PEG3: variants seen among roughly 807,000 people sequenced by gnomAD.
PEG3 encodes paternally expressed 3.
Under a neutral mutation model 35.5 loss-of-function variants are expected in PEG3, and 23 were observed. The observed-to-expected ratio is 0.65, with a 90% CI of 0.47 to 0.92. The LOEUF is 0.92. PEG3 is among the 40% of genes least tolerant of loss of function. The pLI, the probability that PEG3 is intolerant of heterozygous loss-of-function variation, is 0.00. For missense variants in PEG3, 1,960 were observed against 1,985.3 expected, an observed-to-expected ratio of 0.99 and a Z score of 0.24; for synonymous variants, 707 against 697.0, an observed-to-expected ratio of 1.01 and a Z score of -0.23.
chr19:56,815,970 G>C lies in PEG3; in HGVS notation c.2472C>G (p.Thr824=). ...NHQRVRAGGN[T]SEGREYSRSV... is the part of the protein sequence containing the mutation. ...ACCTACTGTATTCCCTTCCTTCAGA[G>C]GTGTTCCCTCCAGCACGAACTCTCT... is the stretch of plus-strand genomic sequence containing the variant. The change falls in exon 10 of 10, where the codon ACC becomes ACG. Residue 824 remains threonine (T), a synonymous_variant. Coordinates refer to ENST00000326441, the MANE Select transcript of PEG3 (RefSeq NM_006210.3). The C allele has an allele frequency of 6.3e-7, 1 of 1,588,482 alleles. No individual in the cohort carries two copies. Among genetic ancestry groups the C allele is most frequent in the Non-Finnish European group, 8.6e-7 (1 of 1,168,028 alleles).
At position 56,810,298 on chromosome 19, in the gene PEG3, ATATATGTAG is replaced by A; in HGVS notation, c.*3368_*3376del. 1 of 982,282 alleles carries A rather than the reference ATATATGTAG, an allele frequency of 1.0e-6. No homozygotes were observed. The highest frequency in any genetic ancestry group is 4.7e-5 in the South Asian group (1 of 21,228). 60.8% of individuals were successfully genotyped at this position (982,282 alleles called of 1,614,324 possible). A position where few individuals can be genotyped will look rare whatever the true frequency, so the allele number is the denominator to read the frequency against. ...TGAACACATTTCATATATAATGGAA[ATATATGTAG>A]TAAAGGTGGACTACCAAAACACTAG... On this transcript the variant is annotated 3_prime_UTR_variant, in exon 10 of 10. Transcript: ENST00000326441.
At position 56,821,758 on chromosome 19, in the gene PEG3, G is replaced by C. The variant is rs1185973351; in HGVS notation, c.566-4C>G. On this transcript the variant is annotated splice_polypyrimidine_tract_variant and splice_region_variant and intron_variant, in intron 6 of 9. Transcript: ENST00000326441. ...GAAAGATCCCGCGGAGGCATCCCTGGGAAGAAAAAAGGCATCAACAAGAAG... is the reference window on the plus strand; with the variant it reads ...GAAAGATCCCGCGGAGGCATCCCTGCGAAGAAAAAAGGCATCAACAAGAAG... The C allele has an allele frequency of 1.2e-6, 2 of 1,613,442 alleles. No individual in the cohort carries two copies. Among genetic ancestry groups the C allele is most frequent in the Non-Finnish European group, 1.7e-6 (2 of 1,179,936 alleles).
In PEG3 at chr19:56,823,607, G is replaced by A. The variant is rs755484455; in HGVS notation, c.467C>T (p.Ser156Leu). ...RNRRESSPPHSVHSFSDRDWD... is the reference protein window; with the variant it reads ...RNRRESSPPHLVHSFSDRDWD... ...GTACTCACCACTGAAAGAATGGACT[G>A]AGTGAGGTGGTGAGGACTCTCTTCT... The change falls in exon 5 of 10, where the codon TCA (serine) becomes TTA (leucine). Residue 156 changes from serine (S) to leucine (L), a missense_variant. This residue lies in a region of PEG3 where 613 missense variants were observed against 577.1 expected (regional missense o/e 1.06). Coordinates refer to ENST00000326441, the MANE Select transcript of PEG3 (RefSeq NM_006210.3). 1.5e-5 allele frequency: 25 copies of A among 1,614,010 alleles called. No individual in the cohort carries two copies. In the Middle Eastern group the frequency reaches 8.2e-4, roughly 53 times the overall value.
At position 56,815,770 on chromosome 19, in the gene PEG3, T is replaced by C. The variant is rs1436776771; in HGVS notation, c.2672A>G (p.Tyr891Cys). 24 of 1,613,806 alleles carry C rather than the reference T, an allele frequency of 1.5e-5. No individual in the cohort carries two copies. Among genetic ancestry groups the C allele is most frequent in the Non-Finnish European group, 1.9e-5 (23 of 1,179,830 alleles). The change falls in exon 10 of 10, where the codon TAT becomes TGT. Residue 891 changes from tyrosine to cysteine, a missense_variant. By Grantham distance (194) the Tyr-to-Cys change is radical. Around this residue, in one of 5 missense-constraint regions of PEG3, gnomAD observed 798 missense variants for 782.4 expected, o/e 1.02. Coordinates refer to ENST00000326441, the MANE Select transcript of PEG3 (RefSeq NM_006210.3). Reference protein sequence around the residue: ...PCEGGSKNRNYEDSVIQSVFR... With the variant: ...PCEGGSKNRNCEDSVIQSVFR... ...TACACTCTGTATGACAGAGTCTTCA[T>C]AGTTGCGATTCTTACTGCCCCCTTC...
At chr19:56,840,193 G>C (rs530751458) in intron 1 of PEG3, among the ~76,000 whole-genome samples, 3 of 152,194 alleles carry the variant, frequency 2.0e-5, no homozygotes, top group Admixed American at 2.0e-4. Flanking sequence ...GACCTTGCTG[G>C]ACTTGCCGTG....
In PEG3 at chr19:56,812,725, G is replaced by C; in HGVS notation, c.*950C>G. 1.0e-6 allele frequency: 1 copy of C among 984,612 alleles called. No homozygotes were observed. Among genetic ancestry groups the C allele is most frequent in the Non-Finnish European group, 1.2e-6 (1 of 829,250 alleles). 61.0% of individuals were successfully genotyped at this position (984,612 alleles called of 1,614,324 possible). A position where few individuals can be genotyped will look rare whatever the true frequency, so the allele number is the denominator to read the frequency against. ...GCACTACTGTGATCTAGTGATGGTT[G>C]TAACCCATTCTTTAAAGGCAAAGAT... On this transcript the variant is annotated 3_prime_UTR_variant, in exon 10 of 10. Coordinates refer to ENST00000326441, the MANE Select transcript of PEG3 (RefSeq NM_006210.3).
chr19:56,815,889 T>C lies in PEG3; in HGVS notation c.2553A>G (p.Glu851=). The C allele has an allele frequency of 6.2e-7, 1 of 1,613,278 alleles. No homozygotes were observed. Among genetic ancestry groups the C allele is most frequent in the South Asian group, 1.1e-5 (1 of 90,950 alleles). Residue 851 remains glutamate (E), a synonymous_variant, in exon 10 of 10, where the codon GAA becomes GAG. Transcript: ENST00000326441. ...CTCCCTTCTCATTAGATTCCACCAA[T>C]TCATTTCCATTGTGACTTCTTGGAG... is the stretch of plus-strand genomic sequence containing the variant. ...SKPPRSHNGN[E]LVESNEKGES...
Position 56,816,033 on chromosome 19 carries a change from T to C in PEG3, c.2409A>G (p.Ala803=), listed in dbSNP as rs758496400. The C allele has an allele frequency of 4.4e-6, 7 of 1,595,680 alleles. No individual in the cohort carries two copies. The highest frequency in any genetic ancestry group is 2.2e-5 in the East Asian group (1 of 44,772). Residue 803 remains alanine, a synonymous_variant, in exon 10 of 10, where the codon GCA becomes GCG. Transcript: ENST00000326441. ...CATCGAAGCTCTGAATGGTAGACTC[T>C]GCCATTACTTTTGGTTTACTGGGCC... ...VAGPSKPKVM[A]ESTIQSFDAI... is the part of the protein sequence containing the mutation.
chr19:56,835,809 G>A (rs2062037256), intron 2 of PEG3, among the ~76,000 whole-genome samples: 1 of 152,188 alleles, frequency 6.6e-6, no homozygotes, highest in African/African-American at 2.4e-5. Context: ...GAGAAAAAGA[G>A]GGAGGATACT....
intron 6 of PEG3, chr19:56,822,496 GT>G (rs11355455): frequency 0.61 from 202,898 of 330,652 alleles, 47,831 homozygotes; most frequent in African/African-American, 0.74. Flanking sequence ...GAAACTTCCA[GT>G]TTTTTTTTTT....
At position 56,813,667 on chromosome 19, in the gene PEG3, C is replaced by T. The variant is rs911500358; in HGVS notation, c.*8G>A. On this transcript the variant is annotated 3_prime_UTR_variant, in exon 10 of 10. Transcript: ENST00000326441. The stretch of plus-strand genomic sequence containing the variant: ...AGGTGAAGGTTTTCTAACCTTTACC[C>T]CATGCCCTCAGCCAGTGTGGGTATT... 2.5e-6 allele frequency: 4 copies of T among 1,608,548 alleles called. No individual in the cohort carries two copies. The highest frequency in any genetic ancestry group is 1.7e-5 in the Admixed American group (1 of 59,854).
At position 56,823,670 on chromosome 19, in the gene PEG3, T is replaced by C; in HGVS notation, c.404A>G (p.Asn135Ser). ...KEMYQPEDDNNSDVTSDDDMT... is the reference protein window; with the variant it reads ...KEMYQPEDDNSSDVTSDDDMT... ...GTCGTCGTCGCTGGTCACGTCACTG[T>C]TGTTGTCGTCTAAGAGGACACCGGT... The change falls in exon 5 of 10, where the codon AAC becomes AGC. Residue 135 changes from asparagine (N) to serine (S), a missense_variant. Transcript: ENST00000326441. 1 of 1,614,066 alleles carries C rather than the reference T, an allele frequency of 6.2e-7. No homozygotes were observed.
chr19:56,834,711 G>A (rs548194657), intron 2 of PEG3, among the ~76,000 whole-genome samples: 15 of 152,256 alleles, frequency 9.9e-5, no homozygotes, highest in African/African-American at 3.6e-4. Context: ...GAGCACTGAG[G>A]CCAGGAATAC....
In PEG3 at chr19:56,815,516, C is replaced by T; in HGVS notation, c.2926G>A (p.Glu976Lys). 1 of 1,614,084 alleles carries T rather than the reference C, an allele frequency of 6.2e-7. No individual in the cohort carries two copies. The highest frequency in any genetic ancestry group is 8.5e-7 in the Non-Finnish European group (1 of 1,179,976). ...AGGTCAGAGCTATGAGCAAAGCACT[C>T]CCCACACTCCTGACATTCATAGAGC... ...GMLYECQECGECFAHSSDLTE... is the reference protein window; with the variant it reads ...GMLYECQECGKCFAHSSDLTE... Residue 976 changes from glutamate (E) to lysine (K), a missense_variant, in exon 10 of 10, where the codon GAG (glutamate) becomes AAG (lysine). Physicochemically the swap from Glu to Lys is moderately conservative, Grantham distance 56. Coordinates refer to ENST00000326441, the MANE Select transcript of PEG3 (RefSeq NM_006210.3).
chr19:56,828,179 C>A (rs1021624904), intron 2 of PEG3, among the ~76,000 whole-genome samples: 4 of 152,264 alleles, frequency 2.6e-5, no homozygotes, highest in East Asian at 1.9e-4. Flanking sequence ...CTCCCCGCAT[C>A]GCCTCCCTAT....
chr19:56,837,837 G>A (rs1029920540), intron 1 of PEG3, among the ~76,000 whole-genome samples: 1 of 151,728 alleles, frequency 6.6e-6, no homozygotes, highest in Admixed American at 6.6e-5. Context: ...CCCCGCCACC[G>A]GCCAACACAC....
intron 1 of PEG3, among the ~76,000 whole-genome samples, chr19:56,837,118 A>C (rs1379601334): frequency 1.3e-5 from 2 of 152,090 alleles, no homozygotes; most frequent in Non-Finnish European, 2.9e-5. Flanking sequence ...AGTGAGCTCT[A>C]GGACTCCGTA....
chr19:56,813,779 C>T lies in PEG3; in HGVS notation c.4663G>A (p.Gly1555Ser). 3.7e-6 allele frequency: 6 copies of T among 1,614,128 alleles called. No individual in the cohort carries two copies. The highest frequency in any genetic ancestry group is 1.1e-5 in the South Asian group (1 of 91,074). ...TACTTCTCATCAGCTTGATTGGCAC[C>T]ACCTGTGCTGGTGCTGGCACGTTCG... ...YIERASTSTG[G>S]ANQADEKYFK... The change falls in exon 10 of 10, where the codon GGT (glycine) becomes AGT (serine). Residue 1555 changes from glycine (G) to serine (S), a missense_variant. By Grantham distance (56) the Gly-to-Ser change is moderately conservative. Coordinates refer to ENST00000326441, the MANE Select transcript of PEG3 (RefSeq NM_006210.3).
chr19:56,837,965 CA>C (rs2062378422), intron 1 of PEG3, among the ~76,000 whole-genome samples: 1 of 152,234 alleles, frequency 6.6e-6, no homozygotes, highest in Non-Finnish European at 1.5e-5. Context: ...AGACAAGACA[CA>C]CATGCTATGG....
Sources: allele counts gnomAD v4.1 joint callset (sites outside exome capture counted in the v4.1 genomes callset), GRCh38; gene constraint gnomAD v4.1.1; regional missense constraint gnomAD v4.1.1; transcripts MANE v1.5; gene names NCBI Gene and HGNC (gene_info 2026-07-23, HGNC 2026-07-21).